Variants in PCDHA1 observed in about 807,000 individuals in gnomAD.
PCDHA1 encodes the protein protocadherin alpha 1, also known as protocadherin alpha-1.
A neutral mutation model predicts 61.3 loss-of-function variants in PCDHA1; 42 were observed. The observed-to-expected ratio is 0.69, with a 90% CI of 0.54 to 0.89. PCDHA1 has a LOEUF of 0.89. Ranked by LOEUF, PCDHA1 falls within the 40% of genes least tolerant of loss-of-function variation. The probability of loss-of-function intolerance (pLI) is 0.00; values close to 1 mark genes in which losing one functional copy is unlikely to be tolerated. For missense variants in PCDHA1, 1,256 were observed against 1,235.3 expected (o/e 1.02, Z -0.25); for synonymous variants, 610 against 553.8 (o/e 1.10, Z -1.43).
At chr5:140,858,299 C>A in intron 1 of PCDHA1, 1 of 1,597,210 alleles carries the variant, frequency 6.3e-7, no homozygotes, top group Non-Finnish European at 8.6e-7. Flanking sequence ...TTACTCGCAG[C>A]AGAGGCGGCA....
At chr5:140,791,606 C>A (rs1316230477) in intron 1 of PCDHA1, among the ~76,000 whole-genome samples, 11 of 151,976 alleles carry the variant, frequency 7.2e-5, no homozygotes, top group Non-Finnish European at 1.5e-4. Flanking sequence ...ACAGGAAATA[C>A]AACTGTAGGA....
chr5:140,836,311 C>G, intron 1 of PCDHA1: 1 of 1,613,662 alleles, frequency 6.2e-7, no homozygotes, highest in Non-Finnish European at 8.5e-7. Context: ...ACGGACGCAC[C>G]GCGCCACCGC....
At chr5:140,841,244 G>A in intron 1 of PCDHA1, 1 of 1,496,324 alleles carries the variant, frequency 6.7e-7, no homozygotes, top group South Asian at 1.4e-5. Context: ...CAGCGGAATT[G>A]GATTAAAAGA....
At chr5:140,966,749 C>T (rs1554228607) in intron 1 of PCDHA1, 1 of 1,428,076 alleles carries the variant, frequency 7.0e-7, no homozygotes, top group Middle Eastern at 2.5e-4. Flanking sequence ...CCGGCTGCCT[C>T]CGCCGCGGCC....
In PCDHA1 at chr5:140,924,908, AAAT is replaced by A. The variant is rs1554202345; in HGVS notation, c.2395-54038_2395-54036del. ...AGAACCTGTCTCAAAAAAAAAAATA[AAAT>A]AAAATAAAATAAAATAAAATAAAAT... On this transcript the variant is annotated intron_variant, in intron 1 of 3. Coordinates refer to ENST00000504120, the MANE Select transcript of PCDHA1 (RefSeq NM_018900.4). Among the ~76,000 whole-genome samples the A allele has an allele frequency of 9.0e-4, 53 of 58,926 alleles. 1 individual carries two copies. The highest frequency in any genetic ancestry group is 2.8e-3 in the African/African-American group (51 of 18,360). The allele number at this position is 58,926 out of a possible 152,430, so 38.7% of individuals were successfully genotyped here. A position where few individuals can be genotyped will look rare whatever the true frequency, so the allele number is the denominator to read the frequency against.
intron 1 of PCDHA1, among the ~76,000 whole-genome samples, chr5:140,955,262 C>T (rs1473601347): frequency 1.3e-5 from 2 of 152,044 alleles, no homozygotes; most frequent in African/African-American, 4.8e-5. Flanking sequence ...TATAAAGGCT[C>T]TTTTTTGGTT....
intron 1 of PCDHA1, chr5:140,836,001 G>A (rs1405342443): frequency 2.3e-5 from 37 of 1,613,232 alleles, no homozygotes; most frequent in Non-Finnish European, 2.9e-5. Context: ...CGCGCGCGAT[G>A]CGGGCGTGCC....
intron 1 of PCDHA1, chr5:140,882,304 G>A (rs1046715245): frequency 1.2e-6 from 2 of 1,613,750 alleles, no homozygotes; most frequent in Non-Finnish European, 1.7e-6. Context: ...CAAGACCGCG[G>A]CAACTACTGC....
chr5:140,934,580 T>C lies in PCDHA1; in HGVS notation c.2395-44369T>C, dbSNP rs531235009. 3.9e-5 allele frequency among the ~76,000 whole-genome samples: 6 copies of C among 152,296 alleles called. No individual in the cohort carries two copies. In the East Asian group the frequency reaches 1.2e-3, roughly 29 times the overall value. On this transcript the variant is annotated intron_variant, in intron 1 of 3. Transcript: ENST00000504120. ...CTTTTTTTTAATTAATTGTAACATT[T>C]CTGTAATGGGTCTTCAACTATTTGA...
intron 1 of PCDHA1, chr5:140,812,106 G>C (rs1210972829): frequency 6.7e-6 from 1 of 150,088 alleles, no homozygotes; most frequent in Non-Finnish European, 1.5e-5. Flanking sequence ...TTCTTTAAAA[G>C]TTTGGTAGAA....
At chr5:140,943,592 T>C (rs900549060) in intron 1 of PCDHA1, among the ~76,000 whole-genome samples, 2 of 152,152 alleles carry the variant, frequency 1.3e-5, no homozygotes, top group African/African-American at 2.4e-5. Flanking sequence ...TGGGGCTGAA[T>C]TCTAAATATA....
chr5:140,823,627 C>A (rs1202244772), intron 1 of PCDHA1: 10 of 1,614,024 alleles, frequency 6.2e-6, no homozygotes, highest in Non-Finnish European at 8.5e-6. Flanking sequence ...TGGCAGTGCG[C>A]GCATCCCGTT....
intron 1 of PCDHA1, among the ~76,000 whole-genome samples, chr5:140,921,816 G>A (rs2080411020): frequency 6.6e-6 from 1 of 151,846 alleles, no homozygotes; most frequent in Non-Finnish European, 1.5e-5. Context: ...ATACATGTGT[G>A]AATATCTATA....
chr5:140,979,292 C>T (rs1449910823), intron 2 of PCDHA1, among the ~76,000 whole-genome samples: 1 of 151,814 alleles, frequency 6.6e-6, no homozygotes, highest in African/African-American at 2.4e-5. Flanking sequence ...GTAATTTCAA[C>T]CTCCTTCATC....
intron 1 of PCDHA1, chr5:140,836,453 G>C: frequency 6.2e-7 from 1 of 1,613,854 alleles, no homozygotes; most frequent in Non-Finnish European, 8.5e-7. Context: ...CAGGCCCAGA[G>C]ACCGAGCTGG....
intron 1 of PCDHA1, among the ~76,000 whole-genome samples, chr5:140,872,369 G>A (rs192689204): frequency 1.3e-4 from 20 of 152,274 alleles, no homozygotes; most frequent in Admixed American, 1.2e-3. Context: ...GTTCAGGCCT[G>A]TAATCCCAGC....
chr5:140,882,081 T>G, intron 1 of PCDHA1: 1 of 985,220 alleles, frequency 1.0e-6, no homozygotes, highest in Non-Finnish European at 1.5e-6. Context: ...ATGGTGTCGC[T>G]CTTCACTGAG....
intron 1 of PCDHA1, chr5:140,801,525 G>C: frequency 1.2e-6 from 2 of 1,614,230 alleles, no homozygotes; most frequent in Non-Finnish European, 1.7e-6. Context: ...GGAGGTGATC[G>C]TGGACAGGCC....
At chr5:140,867,267 A>G (rs2049851956) in intron 1 of PCDHA1, 1 of 152,078 alleles carries the variant, frequency 6.6e-6, no homozygotes, top group African/African-American at 2.4e-5. Flanking sequence ...TTTTGTTCAA[A>G]ATAAACCTGA....
Sources: allele counts gnomAD v4.1 joint callset (sites outside exome capture counted in the v4.1 genomes callset), GRCh38; gene constraint gnomAD v4.1.1; transcripts MANE v1.5; gene names NCBI Gene and HGNC (gene_info 2026-07-23, HGNC 2026-07-21).